Variants in UBE2D3 observed in about 807,000 individuals in gnomAD.
UBE2D3 encodes the protein ubiquitin conjugating enzyme E2 D3.
Under a neutral mutation model 22.8 loss-of-function variants are expected in UBE2D3, and 2 were observed. The observed-to-expected ratio is 0.09, with a 90% CI of 0.04 to 0.28. The LOEUF (loss-of-function observed/expected upper bound fraction) is 0.28. UBE2D3 is among the 10% of genes least tolerant of loss of function. UBE2D3 has a pLI of 1.00. For missense variants in UBE2D3, 27 were observed against 182.5 expected (o/e 0.15, Z 4.91); for synonymous variants, 56 against 60.4 (o/e 0.93, Z 0.34).
At chr4:102,801,295 T>TA (rs2110253754) in intron 6 of UBE2D3, among the ~76,000 whole-genome samples, 159 bp downstream of exon 6, 1 of 152,132 alleles carries the variant, frequency 6.6e-6, no homozygotes, top group African/African-American at 2.4e-5. Flanking sequence ...AAAGTATCTT[T>TA]AATCAACACC....
chr4:102,817,738 A>G (rs1263114268), intron 2 of UBE2D3, among the ~76,000 whole-genome samples: 1 of 152,202 alleles, frequency 6.6e-6, no homozygotes, highest in Non-Finnish European at 1.5e-5. Flanking sequence ...GTATCTCATT[A>G]TTCGTACGTA....
Position 102,809,759 on chromosome 4 carries a change from T to A in UBE2D3, c.88+33A>T, listed in dbSNP as rs1252761916. ...AAAAATGCACAAGCTTAAAAAAAAA[T>A]TAGGCATAAAAATCAACTTGCAAGT... On this transcript the variant is annotated intron_variant, in intron 3 of 7. Transcript: ENST00000453744. 2 of 1,612,716 alleles carry A rather than the reference T, an allele frequency of 1.2e-6. No individual in the cohort carries two copies. The highest frequency in any genetic ancestry group is 1.7e-6 in the Non-Finnish European group (2 of 1,179,624).
At chr4:102,865,986 T>C (rs559847925) in intron 1 of UBE2D3, among the ~76,000 whole-genome samples, 1 of 152,304 alleles carries the variant, frequency 6.6e-6, no homozygotes, top group Non-Finnish European at 1.5e-5. Context: ...GCCTATTACA[T>C]CTATTTAGAG....
At chr4:102,798,863 C>T (rs1287404300) in intron 7 of UBE2D3, 14 of 1,474,796 alleles carry the variant, frequency 9.5e-6, no homozygotes, top group African/African-American at 8.3e-5. Flanking sequence ...AGTGCCTTAA[C>T]GCATGCAGCA....
chr4:102,839,480 C>T (rs1731620473), intron 1 of UBE2D3, among the ~76,000 whole-genome samples: 1 of 152,114 alleles, frequency 6.6e-6, no homozygotes, highest in African/African-American at 2.4e-5. Flanking sequence ...ACCATATTGC[C>T]CAGGCTTGTC....
upstream of UBE2D3, among the ~76,000 whole-genome samples, chr4:102,832,087 A>G (rs545789161): frequency 1.3e-5 from 2 of 152,334 alleles, no homozygotes; most frequent in Non-Finnish European, 2.9e-5. Context: ...ACAGAGCACT[A>G]TTAATGTACT....
intron 1 of UBE2D3, among the ~76,000 whole-genome samples, chr4:102,845,325 T>C (rs1221211732): frequency 6.6e-6 from 1 of 152,194 alleles, no homozygotes; most frequent in Non-Finnish European, 1.5e-5. Flanking sequence ...CCCCAACATA[T>C]CTGCTCACTG....
rs776676877 is a variant in UBE2D3 at position 102,826,542 on chromosome 4, C to G, written c.-34G>C. 6.2e-7 allele frequency: 1 copy of G among 1,612,130 alleles called. No homozygotes were observed. Among genetic ancestry groups the G allele is most frequent in the African/African-American group, 1.3e-5 (1 of 74,828 alleles). ...CTTGTCGTCTGGCTCCTCACTCTCT[C>G]GGTGTATGCTCAAAGGTCCGGCCAA... is the stretch of plus-strand genomic sequence containing the variant. On this transcript the variant is annotated 5_prime_UTR_variant, in exon 2 of 8. Coordinates refer to ENST00000453744, the MANE Select transcript of UBE2D3 (RefSeq NM_181891.3).
chr4:102,827,532 A>C lies in UBE2D3; in HGVS notation c.-234T>G. 1.0e-6 allele frequency: 1 copy of C among 985,820 alleles called. No individual in the cohort carries two copies. Among genetic ancestry groups the C allele is most frequent in the Non-Finnish European group, 1.2e-6 (1 of 830,100 alleles). The allele number at this position is 985,820 out of a possible 1,614,324, so 61.1% of individuals were successfully genotyped here. A position where few individuals can be genotyped will look rare whatever the true frequency, so the allele number is the denominator to read the frequency against. ...CTCACGCGCACGACACAGCCACAAG[A>C]TGTCCGCTCTGACGGAACTACTGCC... On this transcript the variant is annotated 5_prime_UTR_variant, in exon 1 of 8. Transcript: ENST00000453744.
intron 1 of UBE2D3, among the ~76,000 whole-genome samples, chr4:102,856,328 C>G (rs1732616369): frequency 1.3e-5 from 2 of 152,192 alleles, no homozygotes; most frequent in Non-Finnish European, 2.9e-5. Flanking sequence ...GATTGCGCCA[C>G]TGCACTCCCG....
rs183762952 is a variant in UBE2D3 at position 102,821,796 on chromosome 4, A to T, written c.24+4689T>A. Reference sequence around the variant, plus strand: ...TATACACCAACTATGTACCCACAAAATTTTTTTAAAAACTCCAAATGTTCT... The same window carrying T: ...TATACACCAACTATGTACCCACAAATTTTTTTTAAAAACTCCAAATGTTCT... On this transcript the variant is annotated intron_variant, in intron 2 of 7. Transcript: ENST00000453744. 8.6e-4 allele frequency among the ~76,000 whole-genome samples: 131 copies of T among 152,270 alleles called. 1 individual carries two copies. Among genetic ancestry groups the T allele is most frequent in the African/African-American group, 2.6e-3 (109 of 41,552 alleles).
At chr4:102,862,536 T>TCGGCCTCCCAAAGC (rs1732948935) in intron 1 of UBE2D3, among the ~76,000 whole-genome samples, 1 of 148,254 alleles carries the variant, frequency 6.7e-6, no homozygotes, top group Non-Finnish European at 1.5e-5. Flanking sequence ...TCAAATGTCC[T>TCGGCCTCCCAAAGC]ACTTTTTCTT....
intron 2 of UBE2D3, among the ~76,000 whole-genome samples, chr4:102,819,223 G>A (rs982827970): frequency 5.9e-5 from 9 of 151,570 alleles, no homozygotes; most frequent in Non-Finnish European, 1.0e-4. Flanking sequence ...CCAGCTACTC[G>A]AGAGGCTGAG....
intron 1 of UBE2D3, among the ~76,000 whole-genome samples, chr4:102,837,898 G>A (rs897646061): frequency 1.3e-5 from 2 of 152,172 alleles, no homozygotes; most frequent in Non-Finnish European, 2.9e-5. Context: ...AGCTTGCAGT[G>A]AGCCGAGATT....
rs386626793 is a variant in UBE2D3 at position 102,853,135 on chromosome 4, A to ATCTTTTTTTTTTTTTTTTT, written c.-129+15579_-129+15580insAAAAAAAAAAAAAAAAAGA. ...GTCAAAATTACACACAAACACACACATTTTTTTTTTTTTTTTTTTTTTTTT... is the reference window on the plus strand; with the variant it reads ...GTCAAAATTACACACAAACACACACATCTTTTTTTTTTTTTTTTTTTTTTTTTTTTTTTTTTTTTTTTTT... On this transcript the variant is annotated intron_variant, in intron 1 of 7. Transcript: ENST00000338145. 2.8e-4 allele frequency among the ~76,000 whole-genome samples: 25 copies of ATCTTTTTTTTTTTTTTTTT among 88,606 alleles called. 7 individuals are homozygous for ATCTTTTTTTTTTTTTTTTT. The highest frequency in any genetic ancestry group is 8.9e-3 in the Middle Eastern group (1 of 112). 58.1% of individuals were successfully genotyped at this position (88,606 alleles called of 152,430 possible). A position where few individuals can be genotyped will look rare whatever the true frequency, so the allele number is the denominator to read the frequency against.
intron 4 of UBE2D3, among the ~76,000 whole-genome samples, chr4:102,806,341 T>C (rs1345197742): frequency 2.6e-5 from 4 of 152,182 alleles, no homozygotes; most frequent in Admixed American, 2.0e-4. Context: ...CCTTCTTTTA[T>C]ACCTCTTTAA....
chr4:102,815,298 C>G lies in UBE2D3; in HGVS notation c.25-5443G>C, dbSNP rs182508807. Among the ~76,000 whole-genome samples, 6 of 152,092 alleles carry G rather than the reference C, an allele frequency of 3.9e-5. No individual in the cohort carries two copies. In the East Asian group the frequency reaches 1.2e-3, roughly 29 times the overall value. On this transcript the variant is annotated intron_variant, in intron 2 of 7. Coordinates refer to ENST00000453744, the MANE Select transcript of UBE2D3 (RefSeq NM_181891.3). ...GACCTCAGGTGATCACCTTGGCCTC[C>G]CAAAGTGCTGGGATTACAGGCGTGA... is the stretch of plus-strand genomic sequence containing the variant.
intron 1 of UBE2D3, among the ~76,000 whole-genome samples, chr4:102,845,572 C>G (rs1462416078): frequency 2.0e-5 from 3 of 152,128 alleles, no homozygotes; most frequent in African/African-American, 7.2e-5. Flanking sequence ...AGTCTGGGAG[C>G]TAGATGAGAT....
At chr4:102,855,938 A>G (rs754105608) in intron 1 of UBE2D3, among the ~76,000 whole-genome samples, 6 of 152,254 alleles carry the variant, frequency 3.9e-5, no homozygotes, top group Non-Finnish European at 8.8e-5. Flanking sequence ...AAGGGTTGCC[A>G]TTTTAAAATG....
Sources: allele counts gnomAD v4.1 joint callset (sites outside exome capture counted in the v4.1 genomes callset), GRCh38; gene constraint gnomAD v4.1.1; transcripts MANE v1.5; gene names NCBI Gene and HGNC (gene_info 2026-07-23, HGNC 2026-07-21).